Variants in SCML4 observed in about 807,000 individuals in gnomAD.
The protein encoded by SCML4 is sex comb on midleg-like protein 4.
A neutral mutation model predicts 41.1 loss-of-function variants in SCML4; 34 were observed. That is an observed-to-expected ratio of 0.83 (90% confidence interval 0.63 to 1.10). SCML4 has a LOEUF of 1.10. Among genes scored for constraint, SCML4 ranks in the 50% least tolerant of loss-of-function variants. The pLI, the probability that SCML4 is intolerant of heterozygous loss-of-function variation, is 0.00. For missense variants in SCML4, 522 were observed against 534.1 expected, an observed-to-expected ratio of 0.98 and a Z score of 0.22; for synonymous variants, 214 against 220.9, an observed-to-expected ratio of 0.97 and a Z score of 0.28.
intron 1 of SCML4, among the ~76,000 whole-genome samples, chr6:107,812,563 G>A (rs570058000): frequency 9.2e-5 from 14 of 152,336 alleles, no homozygotes; most frequent in Admixed American, 8.5e-4. Flanking sequence ...ACTGAGTAAA[G>A]CAGATGGCAA....
chr6:107,809,388 C>T (rs1489099170), intron 1 of SCML4, among the ~76,000 whole-genome samples: 4 of 151,992 alleles, frequency 2.6e-5, no homozygotes, highest in African/African-American at 9.7e-5. Context: ...CTTGGTGCAA[C>T]GTATGAAGCG....
intron 1 of SCML4, among the ~76,000 whole-genome samples, chr6:107,800,569 A>C (rs566651055): frequency 6.6e-6 from 1 of 152,310 alleles, no homozygotes; most frequent in East Asian, 1.9e-4. Flanking sequence ...TTCTCAGCAA[A>C]ATTCAGAAAG....
intron 1 of SCML4, among the ~76,000 whole-genome samples, chr6:107,775,608 T>C (rs561138788): frequency 1.3e-5 from 2 of 152,354 alleles, no homozygotes; most frequent in South Asian, 4.1e-4. Context: ...AAAATTTTGC[T>C]AATGTCCTTA....
chr6:107,720,051 G>C, intron 6 of SCML4: 1 of 985,442 alleles, frequency 1.0e-6, no homozygotes, highest in Non-Finnish European at 1.2e-6. Context: ...AGCATTGGGG[G>C]AATTTTGCCT....
chr6:107,770,606 G>A (rs1332096175), intron 2 of SCML4, among the ~76,000 whole-genome samples: 1 of 152,192 alleles, frequency 6.6e-6, no homozygotes, highest in Non-Finnish European at 1.5e-5. Flanking sequence ...GCAGAGCTCT[G>A]TATTATCAGC....
At chr6:107,715,038 G>T (rs1187694096) in intron 6 of SCML4, among the ~76,000 whole-genome samples, 1 of 147,770 alleles carries the variant, frequency 6.8e-6, no homozygotes, top group African/African-American at 2.5e-5. Context: ...GCAGTGGCAT[G>T]ATCTCGGCTC....
the SCML4 span, among the ~76,000 whole-genome samples, chr6:107,844,060 G>A: frequency 9.2e-5 from 14 of 152,180 alleles, no homozygotes; most frequent in Non-Finnish European, 7.3e-5. Flanking sequence ...GATACAGTAT[G>A]AAAAGACAGA....
chr6:107,819,979 C>G (rs777209308), intron 1 of SCML4, among the ~76,000 whole-genome samples: 1 of 152,156 alleles, frequency 6.6e-6, no homozygotes, highest in Non-Finnish European at 1.5e-5. Flanking sequence ...ATAATCATCC[C>G]AAGAAGTAAG....
chr6:107,825,899 T>G (rs997814120), upstream of SCML4, among the ~76,000 whole-genome samples: 20 of 128,214 alleles, frequency 1.6e-4, no homozygotes, highest in African/African-American at 5.9e-4. Flanking sequence ...ACCGTGCCAC[T>G]GCACTCCAGC....
At position 107,721,053 on chromosome 6, in the gene SCML4, A is replaced by C. The variant is rs935147525; in HGVS notation, c.683-60T>G. The C allele has an allele frequency of 5.3e-6, 8 of 1,512,214 alleles. No individual in the cohort carries two copies. The Admixed American group carries it at 8.7e-5, about 17-fold the overall frequency. 93.7% of individuals were successfully genotyped at this position (1,512,214 alleles called of 1,614,324 possible). A position where few individuals can be genotyped will look rare whatever the true frequency, so the allele number is the denominator to read the frequency against. The stretch of plus-strand genomic sequence containing the variant: ...AGAGAGCAGTTCAGGAAGCTATCAG[A>C]CCCTCCGTCTTGGCAAACCCTGCCC... On this transcript the variant is annotated intron_variant, in intron 5 of 7. Coordinates refer to ENST00000369020, the MANE Select transcript of SCML4 (RefSeq NM_198081.5).
chr6:107,745,852 G>A (rs561570475), intron 4 of SCML4: 2 of 152,258 alleles, frequency 1.3e-5, no homozygotes, highest in Admixed American at 1.3e-4. Context: ...AATTAGCCAG[G>A]CTTGGCGGCA....
At chr6:107,747,711 G>C (rs1319381200) in intron 3 of SCML4, among the ~76,000 whole-genome samples, 3 of 151,970 alleles carry the variant, frequency 2.0e-5, no homozygotes, top group Non-Finnish European at 4.4e-5. Flanking sequence ...GAATCTTTAT[G>C]AATTTTGCAA....
the SCML4 span, among the ~76,000 whole-genome samples, chr6:107,839,403 A>AAG: frequency 6.9e-6 from 1 of 144,138 alleles, no homozygotes; most frequent in South Asian, 2.2e-4. Flanking sequence ...GAAAGAAAGA[A>AAG]AGAAAGAGGA....
chr6:107,806,546 GCTGGCCT>G (rs1783744747), intron 1 of SCML4, among the ~76,000 whole-genome samples: 1 of 152,190 alleles, frequency 6.6e-6, no homozygotes, highest in Admixed American at 6.5e-5. Context: ...GCTCCTTAAT[GCTGGCCT>G]CTGGTGGGCC....
In SCML4 at chr6:107,708,109, T is replaced by G. The variant is rs75997111; in HGVS notation, c.974-98A>C. The G allele has an allele frequency of 7.0e-4, 968 of 1,385,902 alleles. 8 individuals are homozygous for G. The African/African-American group carries it at 0.012, about 17-fold the overall frequency. 85.9% of individuals were successfully genotyped at this position (1,385,902 alleles called of 1,614,324 possible). The stretch of plus-strand genomic sequence containing the variant: ...CCCACCTAGCCTGGAAGGGGGATCC[T>G]CAGTGCCCATGAGTCCAAGGACCTG... On this transcript the variant is annotated intron_variant, in intron 6 of 7. Transcript: ENST00000369020.
At chr6:107,843,931 AAGAGAG>A in the SCML4 span, among the ~76,000 whole-genome samples, 105 of 149,830 alleles carry the variant, frequency 7.0e-4, no homozygotes, top group Non-Finnish European at 1.1e-3. Flanking sequence ...CACTGAGAGG[AAGAGAG>A]AGAGAGAGAG....
Position 107,702,617 on chromosome 6 carries a change from G to A in SCML4, c.*2583C>T, listed in dbSNP as rs1773272681. Among the ~76,000 whole-genome samples the A allele has an allele frequency of 6.6e-6, 1 of 152,208 alleles. No homozygotes were observed. The highest frequency in any genetic ancestry group is 2.4e-5 in the African/African-American group (1 of 41,444). On this transcript the variant is annotated 3_prime_UTR_variant, in exon 8 of 8. Coordinates refer to ENST00000369020, the MANE Select transcript of SCML4 (RefSeq NM_198081.5). ...ATTGTTTTCACCCTGGCAGTTCTGA[G>A]TACATAACCTGCCCATGGCTGTTTT...
intron 5 of SCML4, among the ~76,000 whole-genome samples, chr6:107,730,812 C>T (rs1332499402): frequency 1.3e-5 from 2 of 152,328 alleles, no homozygotes; most frequent in African/African-American, 2.4e-5. Context: ...CCAAAGAACA[C>T]TCTAGAAGCA....
chr6:107,740,576 C>T (rs1777502049), intron 5 of SCML4, among the ~76,000 whole-genome samples: 1 of 152,148 alleles, frequency 6.6e-6, no homozygotes, highest in African/African-American at 2.4e-5. Flanking sequence ...CAGATGTGGG[C>T]CATCAGAAGA....
Sources: allele counts gnomAD v4.1 joint callset (sites outside exome capture counted in the v4.1 genomes callset), GRCh38; gene constraint gnomAD v4.1.1; transcripts MANE v1.5; gene names NCBI Gene and HGNC (gene_info 2026-07-23, HGNC 2026-07-21).